ADAM12: variants seen among roughly 807,000 people sequenced by gnomAD.
The protein encoded by ADAM12 is disintegrin and metalloproteinase domain-containing protein 12.
ADAM12 carries 70 observed loss-of-function variants against 106.4 expected under a neutral mutation model. That is an observed-to-expected ratio of 0.66 (90% CI 0.54 to 0.80). The LOEUF (loss-of-function observed/expected upper bound fraction) is 0.80. Ranked by LOEUF, ADAM12 falls within the 30% of genes least tolerant of loss-of-function variation. ADAM12 has a pLI of 0.00. For synonymous variants in ADAM12, 420 were observed against 433.5 expected (o/e 0.97, Z 0.39); for missense variants, 1,010 against 1,171.9 (o/e 0.86, Z 2.02).
chr10:126,380,288 A>G (rs1856444644), intron 1 of ADAM12, among the ~76,000 whole-genome samples: 1 of 152,234 alleles, frequency 6.6e-6, no homozygotes, highest in Non-Finnish European at 1.5e-5. Flanking sequence ...GCACATTTCA[A>G]TTGGCAAATA....
intron 4 of ADAM12, among the ~76,000 whole-genome samples, chr10:126,136,924 C>T (rs547371844): frequency 3.9e-5 from 6 of 152,206 alleles, no homozygotes; most frequent in African/African-American, 1.4e-4. Context: ...TTTAACTTTG[C>T]TTATGGTATT....
intron 2 of ADAM12, among the ~76,000 whole-genome samples, chr10:126,307,893 C>T (rs1194038982): frequency 6.6e-6 from 1 of 152,220 alleles, no homozygotes; most frequent in African/African-American, 2.4e-5. Context: ...GTGCCTGGCC[C>T]TCATGCCTGC....
intron 5 of ADAM12, among the ~76,000 whole-genome samples, chr10:126,124,763 G>A (rs905211454): frequency 1.3e-5 from 2 of 151,678 alleles, no homozygotes; most frequent in Non-Finnish European, 2.9e-5. Context: ...GTGATAGTGC[G>A]TGCCTGTAAT....
At chr10:126,178,773 G>A (rs183294294) in intron 3 of ADAM12, among the ~76,000 whole-genome samples, 144 of 152,186 alleles carry the variant, frequency 9.5e-4, no homozygotes, top group African/African-American at 3.1e-3. Context: ...CAGGCCGGGC[G>A]CAGTGGCTCA....
At chr10:126,303,032 G>T (rs955581401) in intron 2 of ADAM12, among the ~76,000 whole-genome samples, 1 of 152,194 alleles carries the variant, frequency 6.6e-6, no homozygotes, top group African/African-American at 2.4e-5. Flanking sequence ...CTGGGTGCCT[G>T]GGAGGACACT....
intron 18 of ADAM12, among the ~76,000 whole-genome samples, chr10:126,042,676 T>C (rs1954207490): frequency 6.6e-6 from 1 of 152,204 alleles, no homozygotes; most frequent in Admixed American, 6.5e-5. Context: ...GGCATTAAAC[T>C]TCACACCTTG....
chr10:126,130,938 C>G (rs1375748673), intron 5 of ADAM12, among the ~76,000 whole-genome samples: 3 of 152,040 alleles, frequency 2.0e-5, no homozygotes, highest in African/African-American at 7.2e-5. Context: ...TTCTCTTTGC[C>G]CATCAAGAAT....
intron 18 of ADAM12, chr10:126,041,194 C>T: frequency 3.0e-6 from 1 of 330,144 alleles, no homozygotes; most frequent in Non-Finnish European, 4.3e-6. Context: ...AATGTCTCTC[C>T]AGGACCCAGG....
intron 1 of ADAM12, among the ~76,000 whole-genome samples, chr10:126,349,757 A>G (rs1855282258): frequency 2.0e-5 from 3 of 152,228 alleles, no homozygotes; most frequent in Non-Finnish European, 2.9e-5. Flanking sequence ...TATCTCTTCC[A>G]TCTAGGCAAA....
At chr10:126,178,408 CTTTTTTTTTTT>C (rs10549268) in intron 3 of ADAM12, among the ~76,000 whole-genome samples, 3 of 103,898 alleles carry the variant, frequency 2.9e-5, no homozygotes, top group African/African-American at 6.6e-5. Flanking sequence ...TGGAGGACAT[CTTTTTTTTTTT>C]TTTTTTTTTT....
chr10:126,135,544 A>T (rs747352933), intron 5 of ADAM12, 40 bp downstream of exon 5: 2 of 1,586,232 alleles, frequency 1.3e-6, no homozygotes, highest in Non-Finnish European at 1.7e-6. Context: ...CCTGCAGTAG[A>T]TGGCTGAAGA....
chr10:126,263,830 T>C (rs1386141261), intron 3 of ADAM12, among the ~76,000 whole-genome samples: 3 of 152,238 alleles, frequency 2.0e-5, no homozygotes, highest in Non-Finnish European at 4.4e-5. Flanking sequence ...AAAAGAGATT[T>C]ATGTAATATC....
chr10:126,330,377 G>A (rs1166428624), intron 2 of ADAM12, 35 bp downstream of exon 2: 6 of 1,543,780 alleles, frequency 3.9e-6, no homozygotes, highest in Admixed American at 3.7e-5. Flanking sequence ...AAAAGCTTCG[G>A]CAGTCTCAAA....
chr10:126,131,497 G>A (rs1436118793), intron 5 of ADAM12, among the ~76,000 whole-genome samples: 2 of 152,194 alleles, frequency 1.3e-5, no homozygotes, highest in East Asian at 3.9e-4. Flanking sequence ...GCCCCCATGT[G>A]ATGGTATCGG....
chr10:126,193,891 C>T (rs2133807864), intron 3 of ADAM12, among the ~76,000 whole-genome samples: 1 of 127,966 alleles, frequency 7.8e-6, no homozygotes, highest in East Asian at 2.1e-4. Context: ...GACTCTGTCT[C>T]ATGAAATAAA....
intron 12 of ADAM12, among the ~76,000 whole-genome samples, chr10:126,070,941 A>T (rs1954976241): frequency 6.6e-6 from 1 of 152,216 alleles, no homozygotes; most frequent in African/African-American, 2.4e-5. Context: ...TGCTAGATAA[A>T]AACGTTCCCT....
intron 3 of ADAM12, among the ~76,000 whole-genome samples, chr10:126,249,595 T>C (rs1422481502): frequency 4.6e-5 from 7 of 152,230 alleles, no homozygotes; most frequent in South Asian, 4.1e-4. Context: ...TCTCAGCTAC[T>C]TGGGAGGCTG....
intron 3 of ADAM12, among the ~76,000 whole-genome samples, chr10:126,266,627 T>C (rs2133723606): frequency 6.6e-6 from 1 of 152,172 alleles, no homozygotes; most frequent in African/African-American, 2.4e-5. Context: ...AATGCCTGAG[T>C]CTGGGTAATT....
intron 3 of ADAM12, among the ~76,000 whole-genome samples, chr10:126,252,586 A>T (rs571673640): frequency 6.6e-6 from 1 of 152,306 alleles, no homozygotes; most frequent in South Asian, 2.1e-4. Context: ...GCTCCAGAAG[A>T]GAAAGTGGGC....
Sources: gnomAD v4.1 joint callset for allele counts (sites outside exome capture counted in the v4.1 genomes callset) on GRCh38, gnomAD v4.1.1 for gene constraint, MANE v1.5 for transcripts, NCBI Gene and HGNC (gene_info 2026-07-23, HGNC 2026-07-21) for gene names.